PDE1C: variants seen among roughly 807,000 people sequenced by gnomAD.
PDE1C encodes the protein phosphodiesterase 1C.
Under a neutral mutation model 93.1 loss-of-function variants are expected in PDE1C, and 62 were observed. The observed-to-expected ratio is 0.67, with a 90% CI of 0.54 to 0.82. The LOEUF is 0.82. Among genes scored for constraint, PDE1C ranks in the 40% least tolerant of loss-of-function variants. The pLI, the probability that PDE1C is intolerant of heterozygous loss-of-function variation, is 0.00. For missense variants in PDE1C, 742 were observed against 884.6 expected (o/e 0.84, Z 2.04); for synonymous variants, 325 against 310.1 (o/e 1.05, Z -0.50).
At chr7:31,781,892 C>A (rs896308294) in intron 16 of PDE1C, among the ~76,000 whole-genome samples, 2 of 152,050 alleles carry the variant, frequency 1.3e-5, no homozygotes, top group African/African-American at 4.8e-5. Flanking sequence ...GATACAACAC[C>A]ACAAGCTATT....
At chr7:31,968,403 G>A (rs1458701149) in intron 2 of PDE1C, among the ~76,000 whole-genome samples, 1 of 151,808 alleles carries the variant, frequency 6.6e-6, no homozygotes, top group Non-Finnish European at 1.5e-5. Context: ...AACTTACAAG[G>A]GATGTGAAGG....
intron 2 of PDE1C, among the ~76,000 whole-genome samples, chr7:31,948,256 T>G (rs923319037): frequency 5.9e-5 from 9 of 152,250 alleles, no homozygotes; most frequent in Non-Finnish European, 1.3e-4. Flanking sequence ...GCCTTAGCAA[T>G]AGAGTTATGT....
At chr7:31,706,541 T>C in the PDE1C span, among the ~76,000 whole-genome samples, 1 of 152,198 alleles carries the variant, frequency 6.6e-6, no homozygotes, top group African/African-American at 2.4e-5. Context: ...CTCATTTTGC[T>C]CTGAACCATG....
the PDE1C span, among the ~76,000 whole-genome samples, chr7:31,633,012 G>A: frequency 7.2e-5 from 11 of 151,864 alleles, no homozygotes; most frequent in South Asian, 2.1e-4. Flanking sequence ...TCAGCCTCCC[G>A]AGTAACTGGG....
intron 3 of PDE1C, among the ~76,000 whole-genome samples, chr7:32,103,591 T>A (rs1299651425): frequency 2.6e-5 from 4 of 152,156 alleles, no homozygotes; most frequent in Admixed American, 6.5e-5. Context: ...TCAACTGCCC[T>A]ACAGGAAACA....
chr7:31,795,945 A>AATC (rs1212989888), intron 16 of PDE1C, among the ~76,000 whole-genome samples: 1 of 151,650 alleles, frequency 6.6e-6, no homozygotes, highest in African/African-American at 2.4e-5. Context: ...GAAGTATCTA[A>AATC]ATCAAAATGT....
chr7:32,056,571 T>C (rs1416309757), intron 1 of PDE1C, among the ~76,000 whole-genome samples: 1 of 152,094 alleles, frequency 6.6e-6, no homozygotes, highest in Non-Finnish European at 1.5e-5. Flanking sequence ...TCCTCATCTG[T>C]AAAATTTGGG....
intron 1 of PDE1C, among the ~76,000 whole-genome samples, chr7:32,338,879 T>C (rs907343167): frequency 2.6e-5 from 4 of 152,078 alleles, no homozygotes; most frequent in African/African-American, 9.7e-5. Flanking sequence ...GGCGGGCGCC[T>C]GTAGTCCCAG....
the PDE1C span, among the ~76,000 whole-genome samples, chr7:31,741,101 G>A: frequency 6.6e-6 from 1 of 150,728 alleles, no homozygotes; most frequent in East Asian, 1.9e-4. Context: ...TACATTTTAT[G>A]TTTACTAATT....
chr7:32,390,187 C>T (rs530588034), intron 1 of PDE1C, among the ~76,000 whole-genome samples: 74 of 152,104 alleles, frequency 4.9e-4, no homozygotes, highest in Middle Eastern at 6.8e-3. Context: ...GCTATACACA[C>T]ATATACAGAA....
At chr7:32,122,308 A>G (rs1799345492) in intron 3 of PDE1C, among the ~76,000 whole-genome samples, 1 of 152,222 alleles carries the variant, frequency 6.6e-6, no homozygotes, top group Non-Finnish European at 1.5e-5. Flanking sequence ...TATTAGATCA[A>G]TAAGACAGAA....
intron 1 of PDE1C, among the ~76,000 whole-genome samples, chr7:32,308,961 A>T (rs556978591): frequency 2.0e-5 from 3 of 151,990 alleles, no homozygotes; most frequent in Admixed American, 6.6e-5. Context: ...GAGCTACAGG[A>T]GGAAACTCAA....
At chr7:32,293,629 C>T (rs1812467686) in intron 1 of PDE1C, among the ~76,000 whole-genome samples, 1 of 152,132 alleles carries the variant, frequency 6.6e-6, no homozygotes, top group South Asian at 2.1e-4. Flanking sequence ...ATGTGATTTG[C>T]CCATGGTGCA....
At chr7:31,844,947 T>C (rs1288389045) in intron 9 of PDE1C, among the ~76,000 whole-genome samples, 1 of 152,150 alleles carries the variant, frequency 6.6e-6, no homozygotes, top group Non-Finnish European at 1.5e-5. Context: ...ACTAAGCCTA[T>C]GTAGCAAATT....
intron 3 of PDE1C, among the ~76,000 whole-genome samples, chr7:32,144,748 C>T (rs187996158): frequency 2.7e-4 from 41 of 152,348 alleles, no homozygotes; most frequent in Non-Finnish European, 3.7e-4. Context: ...TAATGAATCC[C>T]TTTGCTGACA....
intron 15 of PDE1C, among the ~76,000 whole-genome samples, chr7:31,809,601 T>C (rs1787307709): frequency 6.6e-6 from 1 of 152,056 alleles, no homozygotes; most frequent in African/African-American, 2.4e-5. Context: ...AAAATGTAGT[T>C]TGTAAAAGTT....
chr7:31,672,587 G>A, the PDE1C span, among the ~76,000 whole-genome samples: 1 of 150,600 alleles, frequency 6.6e-6, no homozygotes, highest in Non-Finnish European at 1.5e-5. Context: ...TTTTTTAATT[G>A]TATATTCAAA....
At chr7:32,254,217 C>G (rs1352941563) in intron 1 of PDE1C, among the ~76,000 whole-genome samples, 2 of 152,194 alleles carry the variant, frequency 1.3e-5, no homozygotes, top group African/African-American at 2.4e-5. Context: ...CCATATGACA[C>G]TCCTCCATGG....
At chr7:32,076,784 G>C (rs1450931664) in intron 3 of PDE1C, among the ~76,000 whole-genome samples, 1 of 152,002 alleles carries the variant, frequency 6.6e-6, no homozygotes, top group African/African-American at 2.4e-5. Flanking sequence ...CCTGAAGCCA[G>C]AATGCCCATT....
Sources: gnomAD v4.1 joint callset for allele counts (sites outside exome capture counted in the v4.1 genomes callset) on GRCh38, gnomAD v4.1.1 for gene constraint, MANE v1.5 for transcripts, NCBI Gene and HGNC (gene_info 2026-07-23, HGNC 2026-07-21) for gene names.